The following CLYBL variants were observed in gnomAD, a reference collection of about 807,000 sequenced individuals.
CLYBL encodes the protein citramalyl-CoA lyase.
A neutral mutation model predicts 38.9 loss-of-function variants in CLYBL; 31 were observed. That is an observed-to-expected ratio of 0.80 (90% CI 0.60 to 1.08). The LOEUF (loss-of-function observed/expected upper bound fraction) is 1.08, where lower values mean the gene tolerates loss of function less well. Among genes scored for constraint, CLYBL ranks in the 50% least tolerant of loss-of-function variants. The pLI, the probability that CLYBL is intolerant of heterozygous loss-of-function variation, is 0.00. For synonymous variants in CLYBL, 171 were observed against 158.6 expected (o/e 1.08, Z -0.59); for missense variants, 434 against 411.6 (o/e 1.05, Z -0.47).
chr13:99,772,861 T>C lies in CLYBL; in HGVS notation c.100T>C (p.Tyr34His). 1 of 1,611,292 alleles carries C rather than the reference T, an allele frequency of 6.2e-7. No individual in the cohort carries two copies. The highest frequency in any genetic ancestry group is 8.5e-7 in the Non-Finnish European group (1 of 1,179,462). The stretch of plus-strand genomic sequence containing the variant: ...AGCAGCTGATATCCCCAGACTTGGA[T>C]ATAGTTCCTCATCCCATCACAAGTA... Reference protein sequence around the residue: ...SLAADIPRLGYSSSSHHKYIP... With the variant: ...SLAADIPRLGHSSSSHHKYIP... The change falls in exon 2 of 9, where the codon TAT (tyrosine) becomes CAT (histidine). Residue 34 changes from tyrosine to histidine, a missense_variant. Coordinates refer to ENST00000339105, the MANE Select transcript of CLYBL (RefSeq NM_206808.5).
chr13:99,840,252 TAA>T (rs35149509), intron 2 of CLYBL, among the ~76,000 whole-genome samples: 5,147 of 145,538 alleles, frequency 0.035, 229 homozygotes, highest in African/African-American at 0.11. Context: ...CTCCTTTCCT[TAA>T]AAAAAAAAAA....
chr13:99,685,801 A>G (rs1158931186), intron 1 of CLYBL, among the ~76,000 whole-genome samples: 1 of 152,066 alleles, frequency 6.6e-6, no homozygotes, highest in Non-Finnish European at 1.5e-5. Flanking sequence ...GCCTCTACTA[A>G]AAATACAAAA....
At chr13:99,750,075 C>T (rs574477262) in intron 1 of CLYBL, among the ~76,000 whole-genome samples, 8 of 152,086 alleles carry the variant, frequency 5.3e-5, no homozygotes, top group Non-Finnish European at 7.4e-5. Context: ...ACAGATTCTT[C>T]TGTAACCATT....
chr13:99,711,293 G>T (rs2048226809), intron 1 of CLYBL, among the ~76,000 whole-genome samples: 1 of 152,052 alleles, frequency 6.6e-6, no homozygotes, highest in African/African-American at 2.4e-5. Context: ...CCAAGATCAG[G>T]CAGTGGCAGG....
intron 7 of CLYBL, among the ~76,000 whole-genome samples, chr13:99,879,985 C>G (rs1307621399): frequency 6.7e-6 from 1 of 150,088 alleles, no homozygotes; most frequent in Non-Finnish European, 1.5e-5. Flanking sequence ...ACAGTAGTGA[C>G]AGTGCTGGTA....
At chr13:99,780,526 G>A (rs1221711663) in intron 2 of CLYBL, among the ~76,000 whole-genome samples, 3 of 151,610 alleles carry the variant, frequency 2.0e-5, no homozygotes, top group Admixed American at 6.6e-5. Context: ...GACTACAGGC[G>A]CCTGCCACCA....
intron 1 of CLYBL, among the ~76,000 whole-genome samples, chr13:99,745,265 G>A (rs2139614036): frequency 6.6e-6 from 1 of 152,246 alleles, no homozygotes; most frequent in African/African-American, 2.4e-5. Context: ...TAGACATACA[G>A]CTCTTAATTT....
intron 2 of CLYBL, among the ~76,000 whole-genome samples, chr13:99,797,322 T>C (rs553754294): frequency 6.6e-6 from 1 of 152,334 alleles, no homozygotes; most frequent in East Asian, 1.9e-4. Flanking sequence ...TAAGATCTTA[T>C]AGTATCTCAG....
At chr13:99,644,820 C>G (rs1422481945) in intron 1 of CLYBL, among the ~76,000 whole-genome samples, 1 of 152,200 alleles carries the variant, frequency 6.6e-6, no homozygotes, top group Non-Finnish European at 1.5e-5. Flanking sequence ...TCCTCCAGTT[C>G]CATCCATATT....
At chr13:99,674,085 G>A (rs543416397) in intron 1 of CLYBL, among the ~76,000 whole-genome samples, 170 of 149,340 alleles carry the variant, frequency 1.1e-3, no homozygotes, top group African/African-American at 4.1e-3. Flanking sequence ...GTTCAGCTTT[G>A]GACATGTTGA....
At chr13:99,721,497 C>T (rs2048392178) in intron 1 of CLYBL, among the ~76,000 whole-genome samples, 2 of 150,430 alleles carry the variant, frequency 1.3e-5, no homozygotes, top group African/African-American at 4.9e-5. Context: ...TTTTATTACA[C>T]TTTAAGTTCT....
At position 99,858,632 on chromosome 13, in the gene CLYBL, C is replaced by T. The variant is rs534602297; in HGVS notation, c.250-229C>T. Among the ~76,000 whole-genome samples the T allele has an allele frequency of 1.4e-3, 211 of 152,338 alleles. 1 individual carries two copies. The highest frequency in any genetic ancestry group is 4.7e-3 in the African/African-American group (197 of 41,566). The stretch of plus-strand genomic sequence containing the variant: ...TACAGAAGCACACCCATGTGCACTG[C>T]GGTGCGTCTCGGCTATGTTATAGCT... On this transcript the variant is annotated intron_variant, in intron 2 of 8. Transcript: ENST00000339105.
intron 7 of CLYBL, among the ~76,000 whole-genome samples, chr13:99,880,135 T>A (rs2052165873): frequency 6.7e-6 from 1 of 148,824 alleles, no homozygotes. Context: ...TGGCGGGATC[T>A]TGGCTCACTG....
At chr13:99,797,089 C>G (rs1019772385) in intron 2 of CLYBL, among the ~76,000 whole-genome samples, 4 of 152,120 alleles carry the variant, frequency 2.6e-5, no homozygotes, top group Admixed American at 2.0e-4. Flanking sequence ...GATAGAAGCA[C>G]CATGTTGTAG....
At chr13:99,647,868 C>A (rs998635141) in intron 1 of CLYBL, among the ~76,000 whole-genome samples, 1 of 152,042 alleles carries the variant, frequency 6.6e-6, no homozygotes, top group Non-Finnish European at 1.5e-5. Flanking sequence ...CAGTTGAGAA[C>A]GATTGCAAAT....
At chr13:99,804,858 C>T (rs2050200760) in intron 2 of CLYBL, among the ~76,000 whole-genome samples, 1 of 152,150 alleles carries the variant, frequency 6.6e-6, no homozygotes, top group Admixed American at 6.5e-5. Flanking sequence ...TCATCACCAC[C>T]AGCATCTCCA....
intron 6 of CLYBL, among the ~76,000 whole-genome samples, chr13:99,867,733 ATGT>A (rs1477269999): frequency 1.3e-5 from 2 of 152,016 alleles, no homozygotes; most frequent in African/African-American, 4.8e-5. Context: ...ATAGACCCTG[ATGT>A]TGTTGGCCTG....
At chr13:99,857,908 AG>A (rs1358916949) in intron 2 of CLYBL, among the ~76,000 whole-genome samples, 71 of 152,308 alleles carry the variant, frequency 4.7e-4, no homozygotes, top group African/African-American at 1.7e-3. Flanking sequence ...ACTTTTGATA[AG>A]TGTTCATTCT....
chr13:99,606,892 C>T, intron 1 of CLYBL, 135 bp downstream of exon 1: 4 of 1,260,824 alleles, frequency 3.2e-6, no homozygotes, highest in Non-Finnish European at 4.0e-6. Flanking sequence ...CCATGCGCCT[C>T]CCACGCGCTG....
Sources: gnomAD v4.1 joint callset for allele counts (sites outside exome capture counted in the v4.1 genomes callset) on GRCh38, gnomAD v4.1.1 for gene constraint, MANE v1.5 for transcripts, NCBI Gene and HGNC (gene_info 2026-07-23, HGNC 2026-07-21) for gene names.